WDR12: variants seen among roughly 807,000 people sequenced by gnomAD.
WDR12 encodes ribosome biogenesis protein WDR12.
WDR12 carries 42 observed loss-of-function variants against 64.3 expected under a neutral mutation model. That is an observed-to-expected ratio of 0.65 (90% CI 0.51 to 0.84). WDR12 has a LOEUF of 0.84. Among genes scored for constraint, WDR12 ranks in the 40% least tolerant of loss-of-function variants. The pLI is 0.00. For synonymous variants in WDR12, 158 were observed against 173.3 expected (o/e 0.91, Z 0.70); for missense variants, 469 against 494.6 (o/e 0.95, Z 0.49).
chr2:202,896,014 C>T (rs1688235385), intron 6 of WDR12, 51 bp downstream of exon 6: 1 of 1,577,534 alleles, frequency 6.3e-7, no homozygotes. Flanking sequence ...TGTTTAGCAA[C>T]AAGCTCAAAT....
chr2:202,879,860 G>T lies in WDR12; in HGVS notation c.*1000C>A. 1 of 152,398 alleles carries T rather than the reference G, an allele frequency of 6.6e-6. No individual in the cohort carries two copies. Among genetic ancestry groups the T allele is most frequent in the Non-Finnish European group, 1.5e-5 (1 of 68,166 alleles). 9.4% of individuals were successfully genotyped at this position (152,398 alleles called of 1,614,324 possible). ...GGGTTCAAGCAATTCTCCTGCCTTA[G>T]CCTCCCAAGTAGTTGGGATTACAGG... On this transcript the variant is annotated 3_prime_UTR_variant, in exon 13 of 13. Coordinates refer to ENST00000261015, the MANE Select transcript of WDR12 (RefSeq NM_018256.4).
chr2:202,882,363 C>T lies in WDR12; in HGVS notation c.1194+348G>A, dbSNP rs150119033. ...TGTTTTTTTTTTCTTGAGATGGAGT[C>T]TATCTCCCAGGCTGGAGTGCAGTGG... On this transcript the variant is annotated intron_variant, in intron 12 of 12. Coordinates refer to ENST00000261015, the MANE Select transcript of WDR12 (RefSeq NM_018256.4). 6.4e-4 allele frequency among the ~76,000 whole-genome samples: 97 copies of T among 151,668 alleles called. 1 individual carries two copies. Among genetic ancestry groups the T allele is most frequent in the African/African-American group, 2.3e-3 (94 of 41,316 alleles).
At chr2:202,903,500 G>GAAGGAAGT (rs1348704669) in intron 2 of WDR12, among the ~76,000 whole-genome samples, 37 of 115,216 alleles carry the variant, frequency 3.2e-4, no homozygotes, top group African/African-American at 8.8e-4. Context: ...AGGAAGGAAG[G>GAAGGAAGT]AAGTGAGGGA....
At chr2:202,894,504 A>G in intron 7 of WDR12, 77 bp downstream of exon 7, 1 of 1,295,726 alleles carries the variant, frequency 7.7e-7, no homozygotes, top group Non-Finnish European at 1.1e-6. Context: ...TTATAGGCGT[A>G]AGCCACCATA....
In WDR12 at chr2:202,884,296, T is replaced by C; in HGVS notation, c.890A>G (p.Asn297Ser). The C allele has an allele frequency of 6.2e-7, 1 of 1,614,056 alleles. No individual in the cohort carries two copies. The highest frequency in any genetic ancestry group is 8.5e-7 in the Non-Finnish European group (1 of 1,180,004). ...SGSLKSTLTG[N>S]KVFNCISYSP... is the part of the protein sequence containing the mutation. ...ATAGGAAATACAATTAAACACTTTA[T>C]TTCCTGTCTGAAAAAGAAAAGGAAA... Residue 297 changes from asparagine to serine, a missense_variant, in exon 10 of 13, where the codon AAT (asparagine) becomes AGT (serine). Physicochemically the swap from Asn to Ser is conservative, Grantham distance 46. Transcript: ENST00000261015.
chr2:202,900,718 C>T (rs1471544242), intron 3 of WDR12, among the ~76,000 whole-genome samples: 1 of 152,108 alleles, frequency 6.6e-6, no homozygotes, highest in Non-Finnish European at 1.5e-5. Flanking sequence ...TATTCCCTTT[C>T]TTGCCAGTTC....
chr2:202,896,480 C>T (rs1192325072), intron 5 of WDR12, among the ~76,000 whole-genome samples: 1 of 151,744 alleles, frequency 6.6e-6, no homozygotes. Context: ...CACTTGAGGT[C>T]AGGAGTTTGA....
chr2:202,893,149 G>GT (rs543793007), intron 7 of WDR12, among the ~76,000 whole-genome samples: 1 of 151,824 alleles, frequency 6.6e-6, no homozygotes, highest in South Asian at 2.1e-4. Context: ...AATGTTTCTG[G>GT]TTTTTTTGAG....
chr2:202,882,992 T>A (rs1553540399), intron 11 of WDR12: 1 of 470,692 alleles, frequency 2.1e-6, no homozygotes, highest in Non-Finnish European at 3.8e-6. Flanking sequence ...ACAAATATAT[T>A]CAGAAAAAAA....
chr2:202,880,904 A>G lies in WDR12; in HGVS notation c.1228T>C (p.Tyr410His). The G allele has an allele frequency of 6.2e-7, 1 of 1,610,354 alleles. No individual in the cohort carries two copies. Among genetic ancestry groups the G allele is most frequent in the Non-Finnish European group, 8.5e-7 (1 of 1,178,230 alleles). The stretch of plus-strand genomic sequence containing the variant: ...GTGGTAGGTGAATATCTGTAGGAAT[A>G]CAATTTATTGTCTGCTCCTCCACTC... ...LLSGGADNKL[Y>H]SYRYSPTTSH... Residue 410 changes from tyrosine (Y) to histidine (H), a missense_variant, in exon 13 of 13, where the codon TAT becomes CAT. By Grantham distance (83) the Tyr-to-His change is moderately conservative. Transcript: ENST00000261015.
At chr2:202,887,947 A>C (rs1470552931) in intron 8 of WDR12, among the ~76,000 whole-genome samples, 1 of 152,062 alleles carries the variant, frequency 6.6e-6, no homozygotes, top group African/African-American at 2.4e-5. Flanking sequence ...AGGCAAACTT[A>C]TCATATGAAT....
rs1574406001 is a variant in WDR12 at position 202,893,437 on chromosome 2, A to G, written c.656-735T>C. Among the ~76,000 whole-genome samples, 3 of 152,182 alleles carry G rather than the reference A, an allele frequency of 2.0e-5. No individual in the cohort carries two copies. The South Asian group carries it at 6.2e-4, about 31-fold the overall frequency. On this transcript the variant is annotated intron_variant, in intron 7 of 12. Coordinates refer to ENST00000261015, the MANE Select transcript of WDR12 (RefSeq NM_018256.4). ...CATTTACTCAGCCCTATCAAAAAAT[A>G]AAAAATTCTACTAAAGAATTTTCTA... is the stretch of plus-strand genomic sequence containing the variant.
chr2:202,904,146 A>C, intron 2 of WDR12, among the ~76,000 whole-genome samples: 1 of 131,268 alleles, frequency 7.6e-6, no homozygotes, highest in East Asian at 2.3e-4. Flanking sequence ...CTCAAAAAAA[A>C]AAAAAAAAAA....
Position 202,875,433 on chromosome 2 carries a change from G to C in WDR12, c.*5427C>G, listed in dbSNP as rs1422802508. On this transcript the variant is annotated 3_prime_UTR_variant, in exon 13 of 13. Transcript: ENST00000261015. Reference sequence around the variant, plus strand: ...GACGGAGTTTCGCTCTTGTTGCCCAGGATGGAGTGCAATGGCGCGATCTTG... The same window carrying C: ...GACGGAGTTTCGCTCTTGTTGCCCACGATGGAGTGCAATGGCGCGATCTTG... The C allele has an allele frequency of 1.4e-5, 2 of 144,684 alleles. No individual in the cohort carries two copies. Among genetic ancestry groups the C allele is most frequent in the Non-Finnish European group, 3.0e-5 (2 of 67,066 alleles). The allele number at this position is 144,684 out of a possible 1,614,324, so 9.0% of individuals were successfully genotyped here.
chr2:202,908,441 C>T (rs551961122), intron 1 of WDR12, among the ~76,000 whole-genome samples: 39 of 152,270 alleles, frequency 2.6e-4, no homozygotes, highest in Non-Finnish European at 7.4e-5. Flanking sequence ...GCCTGGGTGA[C>T]ACAGCAAGAC....
At chr2:202,892,763 A>C in intron 7 of WDR12, 61 bp from the exon 8 acceptor site, 2 of 1,223,396 alleles carry the variant, frequency 1.6e-6, no homozygotes, top group Non-Finnish European at 2.4e-6. Context: ...AACTGTCTGA[A>C]AGAATTCTTT....
At chr2:202,910,981 C>G (rs1051311226) in intron 1 of WDR12, among the ~76,000 whole-genome samples, 1 of 152,128 alleles carries the variant, frequency 6.6e-6, no homozygotes, top group Admixed American at 6.6e-5. Flanking sequence ...CAGGCAAACA[C>G]AAAGAAAGCT....
At chr2:202,898,447 G>A (rs1688291769) in intron 4 of WDR12, among the ~76,000 whole-genome samples, 1 of 152,172 alleles carries the variant, frequency 6.6e-6, no homozygotes, top group South Asian at 2.1e-4. Context: ...CACGCGCCTG[G>A]CTGTCCACCT....
intron 8 of WDR12, among the ~76,000 whole-genome samples, chr2:202,889,002 A>G (rs566393025): frequency 2.6e-5 from 4 of 152,230 alleles, no homozygotes; most frequent in Non-Finnish European, 4.4e-5. Context: ...TCGGGCCCCA[A>G]ATTTTTCTAT....
Sources: allele counts gnomAD v4.1 joint callset (sites outside exome capture counted in the v4.1 genomes callset), GRCh38; gene constraint gnomAD v4.1.1; transcripts MANE v1.5; gene names NCBI Gene and HGNC (gene_info 2026-07-23, HGNC 2026-07-21).